Variants in ST7L observed in about 807,000 individuals in gnomAD.
ST7L encodes suppression of tumorigenicity 7 like.
A neutral mutation model predicts 72.5 loss-of-function variants in ST7L; 57 were observed. The ratio of observed to expected loss-of-function variants is 0.79; its 90% CI spans 0.64 to 0.98. The LOEUF is 0.98. Among genes scored for constraint, ST7L ranks in the 50% least tolerant of loss-of-function variants. The pLI is 0.00. For missense variants in ST7L, 576 were observed against 672.2 expected, an observed-to-expected ratio of 0.86 and a Z score of 1.58; for synonymous variants, 221 against 240.9, an observed-to-expected ratio of 0.92 and a Z score of 0.77.
At chr1:112,602,713 C>CTTTTTTTTTT (rs35617753) in intron 3 of ST7L, among the ~76,000 whole-genome samples, 4 of 120,506 alleles carry the variant, frequency 3.3e-5, no homozygotes, top group Non-Finnish European at 3.4e-5. Context: ...CATTTTCTTT[C>CTTTTTTTTTT]TTTTTTTTTT....
At chr1:112,595,997 C>A (rs1212681644) in intron 5 of ST7L, among the ~76,000 whole-genome samples, 1 of 152,024 alleles carries the variant, frequency 6.6e-6, no homozygotes, top group Non-Finnish European at 1.5e-5. Flanking sequence ...AGCCTGCTGA[C>A]GTTTGCAATT....
intron 11 of ST7L, among the ~76,000 whole-genome samples, chr1:112,571,678 G>A (rs756180523): frequency 2.6e-5 from 4 of 152,126 alleles, no homozygotes; most frequent in Non-Finnish European, 4.4e-5. Flanking sequence ...CACCCGCTTC[G>A]GCCTCCCAAA....
intron 14 of ST7L, among the ~76,000 whole-genome samples, chr1:112,537,062 C>G (rs996537160): frequency 6.6e-6 from 1 of 151,874 alleles, no homozygotes; most frequent in Non-Finnish European, 1.5e-5. Context: ...GCGACGCGAT[C>G]TCGGCTCACT....
chr1:112,518,799 T>TA (rs1652703875), downstream of ST7L, among the ~76,000 whole-genome samples: 1 of 152,216 alleles, frequency 6.6e-6, no homozygotes, highest in South Asian at 2.1e-4. Context: ...TCAAAGAATA[T>TA]AAGTCATCCC....
intron 11 of ST7L, among the ~76,000 whole-genome samples, chr1:112,561,481 TCTAA>T (rs768755115): frequency 2.6e-4 from 39 of 152,004 alleles, no homozygotes; most frequent in South Asian, 1.0e-3. Flanking sequence ...TCTATACAGA[TCTAA>T]CTTTTTTTTT....
chr1:112,574,459 A>G (rs569500798), intron 11 of ST7L, among the ~76,000 whole-genome samples: 8 of 151,910 alleles, frequency 5.3e-5, no homozygotes, highest in Admixed American at 3.3e-4. Context: ...GGAGATCGAG[A>G]CCATCCTGGC....
chr1:112,585,684 G>A (rs1379603073), intron 6 of ST7L, among the ~76,000 whole-genome samples: 2 of 150,264 alleles, frequency 1.3e-5, no homozygotes, highest in Non-Finnish European at 2.9e-5. Context: ...AGTGAGCCAA[G>A]ATTGCACCAC....
In ST7L at chr1:112,556,749, C is replaced by T. The variant is rs1232542181; in HGVS notation, c.1246-731G>A. On this transcript the variant is annotated intron_variant, in intron 11 of 14. Transcript: ENST00000358039. The stretch of plus-strand genomic sequence containing the variant: ...TCCCAACACTTTGAGAGGCCAAAAT[C>T]GTGAGGTCAGGAAATCGAGATCATC... Among the ~76,000 whole-genome samples, 4 of 151,860 alleles carry T rather than the reference C, an allele frequency of 2.6e-5. No homozygotes were observed. The East Asian group carries it at 7.7e-4, about 29-fold the overall frequency.
chr1:112,574,836 TTC>T lies in ST7L; in HGVS notation c.1245+2148_1245+2149del, dbSNP rs571316978. On this transcript the variant is annotated intron_variant, in intron 11 of 14. Transcript: ENST00000358039. ...GGTAGGCGTCTGTGGGTTGATAATGTTCTGTTTCTTGATCTCGATAGTTTTCA... is the reference window on the plus strand; with the variant it reads ...GGTAGGCGTCTGTGGGTTGATAATGTTGTTTCTTGATCTCGATAGTTTTCA... Among the ~76,000 whole-genome samples, 729 of 152,256 alleles carry T rather than the reference TTC, an allele frequency of 4.8e-3. 5 individuals are homozygous for T. Among genetic ancestry groups the T allele is most frequent in the African/African-American group, 0.016 (678 of 41,536 alleles).
intron 9 of ST7L, among the ~76,000 whole-genome samples, chr1:112,581,398 C>CTTT (rs5777129): frequency 7.4e-6 from 1 of 135,238 alleles, no homozygotes; most frequent in Non-Finnish European, 1.6e-5. Flanking sequence ...GGCTCCCCGT[C>CTTT]TTTTTTTTTT....
In ST7L at chr1:112,582,088, G is replaced by A; in HGVS notation, c.973C>T (p.Pro325Ser). 6.2e-7 allele frequency: 1 copy of A among 1,610,552 alleles called. No homozygotes were observed. Among genetic ancestry groups the A allele is most frequent in the Non-Finnish European group, 8.5e-7 (1 of 1,177,382 alleles). The change falls in exon 9 of 15, where the codon CCT becomes TCT. Residue 325 changes from proline to serine, a missense_variant. By Grantham distance (74) the Pro-to-Ser change is moderately conservative (BLOSUM62 -1). Around this residue, in one of 3 missense-constraint regions of ST7L, gnomAD observed 511 missense variants for 600.7 expected, o/e 0.85. Coordinates refer to ENST00000358039, the MANE Select transcript of ST7L (RefSeq NM_017744.5). ...TCATGGATGTTCAACATGGTAAGAGGAGGAAATTCTTTCATCAACTGTATA... is the reference window on the plus strand; with the variant it reads ...TCATGGATGTTCAACATGGTAAGAGAAGGAAATTCTTTCATCAACTGTATA... ...IMRDLMKEFPPLTMLNIHENL... is the reference protein window; with the variant it reads ...IMRDLMKEFPSLTMLNIHENL...
At chr1:112,556,710 G>A (rs370980560) in intron 11 of ST7L, among the ~76,000 whole-genome samples, 1 of 151,888 alleles carries the variant, frequency 6.6e-6, no homozygotes, top group South Asian at 2.1e-4. Context: ...GAGTGCGCTG[G>A]CTCACACCTG....
rs1653278317 is a variant in ST7L, at chr1:112,525,688, CT to C, written c.*324del. 1 of 217,572 alleles carries C rather than the reference CT, an allele frequency of 4.6e-6. No homozygotes were observed. The allele number at this position is 217,572 out of a possible 1,614,324, so 13.5% of individuals were successfully genotyped here. The stretch of plus-strand genomic sequence containing the variant: ...GATGGAGCAGCTGGACATTAGAGTT[CT>C]TTCTCTTTGACCAAAGGAGCCAAAA... On this transcript the variant is annotated 3_prime_UTR_variant, in exon 15 of 15. Transcript: ENST00000358039.
chr1:112,546,398 G>A (rs985040660), intron 13 of ST7L, among the ~76,000 whole-genome samples: 20 of 151,702 alleles, frequency 1.3e-4, no homozygotes, highest in Non-Finnish European at 1.9e-4. Flanking sequence ...CTGAACTCAT[G>A]ACATGTAAAT....
chr1:112,568,330 ATTTTTTT>A (rs776031521), intron 11 of ST7L, among the ~76,000 whole-genome samples: 3 of 116,812 alleles, frequency 2.6e-5, no homozygotes, highest in Non-Finnish European at 5.2e-5. Flanking sequence ...CTGTAATAAT[ATTTTTTT>A]TTTTTTTTTT....
chr1:112,529,492 C>T (rs1432355253), intron 14 of ST7L: 1 of 152,096 alleles, frequency 6.6e-6, no homozygotes, highest in Admixed American at 6.6e-5. Flanking sequence ...AAGCTGATTG[C>T]TCATGCTGGT....
At chr1:112,558,526 T>C (rs1220921951) in intron 11 of ST7L, among the ~76,000 whole-genome samples, 2 of 152,234 alleles carry the variant, frequency 1.3e-5, no homozygotes, top group East Asian at 3.8e-4. Context: ...TTAATGCCCA[T>C]CTTTAATTAC....
Position 112,523,954 on chromosome 1 carries a change from T to C in ST7L, c.*2059A>G, listed in dbSNP as rs563877664. The C allele has an allele frequency of 6.6e-6, 1 of 151,800 alleles. No homozygotes were observed. Among genetic ancestry groups the C allele is most frequent in the African/African-American group, 2.4e-5 (1 of 41,376 alleles). The allele number at this position is 151,800 out of a possible 1,614,324, so 9.4% of individuals were successfully genotyped here. A position where few individuals can be genotyped will look rare whatever the true frequency, so the allele number is the denominator to read the frequency against. ...TGAATAATGGCACTAATCCACACTC[T>C]TCCTTAGAGTGATGCTGGAAAAATA... On this transcript the variant is annotated 3_prime_UTR_variant, in exon 15 of 15. Transcript: ENST00000358039.
chr1:112,576,036 A>T (rs921939146), intron 11 of ST7L, among the ~76,000 whole-genome samples: 2 of 152,168 alleles, frequency 1.3e-5, no homozygotes, highest in African/African-American at 4.8e-5. Flanking sequence ...TTCCGTAGTA[A>T]GGGCATCTAT....
Sources: gnomAD v4.1 joint callset for allele counts (sites outside exome capture counted in the v4.1 genomes callset) on GRCh38, gnomAD v4.1.1 for gene constraint, gnomAD v4.1.1 regional missense constraint, MANE v1.5 for transcripts, NCBI Gene and HGNC (gene_info 2026-07-23, HGNC 2026-07-21) for gene names.